ALPK3: variants seen among roughly 807,000 people sequenced by gnomAD.
The protein encoded by ALPK3 is alpha-protein kinase 3.
Under a neutral mutation model 140.0 loss-of-function variants are expected in ALPK3, and 102 were observed. The ratio of observed to expected loss-of-function variants is 0.73; its 90% CI spans 0.62 to 0.86. ALPK3 has a LOEUF of 0.86. Among genes scored for constraint, ALPK3 ranks in the 40% least tolerant of loss-of-function variants. The probability of loss-of-function intolerance (pLI) is 0.00; values close to 1 mark genes in which losing one functional copy is unlikely to be tolerated. For synonymous variants in ALPK3, 938 were observed against 898.5 expected, an observed-to-expected ratio of 1.04 and a Z score of -0.79; for missense variants, 2,254 against 2,208.2, an observed-to-expected ratio of 1.02 and a Z score of -0.42.
intron 13 of ALPK3, 43 bp from the exon 14 acceptor site, chr15:84,868,066 GTC>G: frequency 6.4e-7 from 1 of 1,565,216 alleles, no homozygotes; most frequent in Non-Finnish European, 8.7e-7. Context: ...AAGGAACTGT[GTC>G]TCTGGTTGGG....
chr15:84,824,472 A>G (rs1049772896), intron 2 of ALPK3, among the ~76,000 whole-genome samples: 3 of 152,258 alleles, frequency 2.0e-5, no homozygotes, highest in African/African-American at 7.2e-5. Flanking sequence ...TTCTTCACAC[A>G]GAAAAAGATT....
chr15:84,838,950 C>A, intron 3 of ALPK3, 30 bp from the exon 4 acceptor site: 1 of 1,598,062 alleles, frequency 6.3e-7, no homozygotes, highest in Non-Finnish European at 8.6e-7. Context: ...ACTGGCCTTG[C>A]TGTAACCCAG....
At chr15:84,867,279 C>G (rs1964012512) in intron 12 of ALPK3, 38 bp from the exon 13 acceptor site, 1 of 1,612,264 alleles carries the variant, frequency 6.2e-7, no homozygotes, top group African/African-American at 1.3e-5. Flanking sequence ...TAGAGCCAGC[C>G]CAGACTGGCA....
intron 5 of ALPK3, among the ~76,000 whole-genome samples, chr15:84,850,478 G>A (rs1963789743): frequency 6.6e-6 from 1 of 152,072 alleles, no homozygotes; most frequent in African/African-American, 2.4e-5. Context: ...CGAACTCCTG[G>A]GCTCAAGCAA....
intron 1 of ALPK3, among the ~76,000 whole-genome samples, chr15:84,822,954 G>A (rs894537143): frequency 6.6e-6 from 1 of 152,272 alleles, no homozygotes; most frequent in Admixed American, 6.5e-5. Context: ...AAGAATTGAA[G>A]CAGGAGCTTG....
At chr15:84,821,761 A>G (rs1473784160) in intron 1 of ALPK3, among the ~76,000 whole-genome samples, 1 of 151,872 alleles carries the variant, frequency 6.6e-6, no homozygotes, top group Non-Finnish European at 1.5e-5. Context: ...TCTATAGAAC[A>G]GCAGTTAAAT....
intron 13 of ALPK3, among the ~76,000 whole-genome samples, chr15:84,867,814 T>G (rs1028215220): frequency 2.0e-5 from 3 of 152,156 alleles, no homozygotes; most frequent in Non-Finnish European, 2.9e-5. Context: ...GCATGGTGGC[T>G]CACGCCTCTA....
In ALPK3 at chr15:84,864,847, C is replaced by T. The variant is rs757109331; in HGVS notation, c.4723+182C>T. On this transcript the variant is annotated intron_variant, in intron 12 of 13. Coordinates refer to ENST00000258888, the MANE Select transcript of ALPK3 (RefSeq NM_020778.5). ...GAACATTTTGCTCGCAACCCTAATA[C>T]ATACCTCATGTAGCCCAGTCTATCA... is the stretch of plus-strand genomic sequence containing the variant. Among the ~76,000 whole-genome samples, 114 of 152,188 alleles carry T rather than the reference C, an allele frequency of 7.5e-4. 1 individual carries two copies. Among genetic ancestry groups the T allele is most frequent in the Non-Finnish European group, 1.2e-3 (83 of 68,020 alleles).
intron 5 of ALPK3, among the ~76,000 whole-genome samples, chr15:84,851,950 G>T (rs1038171851): frequency 6.6e-6 from 1 of 152,104 alleles, no homozygotes; most frequent in Non-Finnish European, 1.5e-5. Context: ...CGTCTGTAGA[G>T]GCTGTGCGAT....
chr15:84,863,425 C>T (rs1963970411), intron 10 of ALPK3, 127 bp from the exon 11 acceptor site: 1 of 751,918 alleles, frequency 1.3e-6, no homozygotes, highest in African/African-American at 1.8e-5. Context: ...GTAAGCCCTT[C>T]CTCCCCCAGG....
In ALPK3 at chr15:84,840,358, C is replaced by T. The variant is rs1963647073; in HGVS notation, c.1079C>T (p.Pro360Leu). ...DEPDSCGTQG[P>L]VGVEQVQTQP... ...CCTGACTCCTGTGGGACTCAGGGGC[C>T]CGTGGGCGTGGAGCAGGTTCAGACC... The change falls in exon 5 of 14, where the codon CCC (proline) becomes CTC (leucine). Residue 360 changes from proline to leucine, a missense_variant. Pro to Leu is a moderately conservative substitution (Grantham distance 98). This residue lies in a region of ALPK3 where 2,088 missense variants were observed against 2,022.9 expected (regional missense o/e 1.03). Transcript: ENST00000258888. 6.2e-7 allele frequency: 1 copy of T among 1,613,426 alleles called. No individual in the cohort carries two copies. The highest frequency in any genetic ancestry group is 1.3e-5 in the African/African-American group (1 of 74,886).
At chr15:84,826,071 C>T (rs969327722) in intron 2 of ALPK3, among the ~76,000 whole-genome samples, 1 of 152,122 alleles carries the variant, frequency 6.6e-6, no homozygotes, top group African/African-American at 2.4e-5. Flanking sequence ...TCCATGAATG[C>T]CCAGGTATCT....
intron 3 of ALPK3, among the ~76,000 whole-genome samples, chr15:84,834,766 C>T (rs1408331530): frequency 6.6e-6 from 1 of 152,240 alleles, no homozygotes; most frequent in African/African-American, 2.4e-5. Flanking sequence ...CAAGTGCCGC[C>T]ATGGGCTGTC....
chr15:84,830,572 C>CT (rs1463504431), intron 3 of ALPK3, among the ~76,000 whole-genome samples: 1 of 152,130 alleles, frequency 6.6e-6, no homozygotes, highest in African/African-American at 2.4e-5. Flanking sequence ...TAACTTTCTG[C>CT]TTTTTGTATT....
chr15:84,833,134 T>C (rs754715139), intron 3 of ALPK3, among the ~76,000 whole-genome samples: 1 of 152,192 alleles, frequency 6.6e-6, no homozygotes, highest in Non-Finnish European at 1.5e-5. Context: ...ACCTACCTAC[T>C]GTGTATATCA....
Position 84,857,507 on chromosome 15 carries a change from C to A in ALPK3, c.2769C>A (p.His923Gln), listed in dbSNP as rs1963880002. The change falls in exon 6 of 14, where the codon CAC (histidine) becomes CAA (glutamine). Residue 923 changes from histidine to glutamine, a missense_variant. His to Gln is a conservative substitution (Grantham distance 24). Transcript: ENST00000258888. ...HLGLGTPTQS[H>Q]PPETMATSSE... Reference sequence around the variant, plus strand: ...GGCTGGGGACCCCCACTCAGAGTCACCCACCAGAAACCATGGCCACCAGCA... The same window carrying A: ...GGCTGGGGACCCCCACTCAGAGTCAACCACCAGAAACCATGGCCACCAGCA... The A allele has an allele frequency of 6.2e-7, 1 of 1,600,238 alleles. No individual in the cohort carries two copies. Among genetic ancestry groups the A allele is most frequent in the Non-Finnish European group, 8.5e-7 (1 of 1,172,208 alleles).
At chr15:84,823,887 A>T (rs1225031680) in intron 2 of ALPK3, among the ~76,000 whole-genome samples, 1 of 151,548 alleles carries the variant, frequency 6.6e-6, no homozygotes, top group African/African-American at 2.4e-5. Context: ...ATTTTTAAAA[A>T]TTTTCTTGTA....
In ALPK3 at chr15:84,862,796, G is replaced by A. The variant is rs750258262; in HGVS notation, c.4291G>A (p.Gly1431Arg). 9.9e-6 allele frequency: 16 copies of A among 1,614,098 alleles called. No homozygotes were observed. Among genetic ancestry groups the A allele is most frequent in the Non-Finnish European group, 1.4e-5 (16 of 1,180,016 alleles). ...RKASQAKVIY[G>R]LEPIFESGRT... ...GGCCTCCCAGGCCAAGGTCATCTAC[G>A]GGCTGGAACCCATCTTCGAGTCGGG... Residue 1431 changes from glycine to arginine, a missense_variant, in exon 10 of 14, where the codon GGG becomes AGG. Gly to Arg is a moderately radical substitution (Grantham distance 125). Around this residue, in one of 3 missense-constraint regions of ALPK3, gnomAD observed 2,088 missense variants for 2,022.9 expected, o/e 1.03. Coordinates refer to ENST00000258888, the MANE Select transcript of ALPK3 (RefSeq NM_020778.5).
chr15:84,859,400 C>T lies in ALPK3; in HGVS notation c.3965+10C>T, dbSNP rs375674844. The T allele has an allele frequency of 7.4e-6, 12 of 1,613,724 alleles. No homozygotes were observed. Among genetic ancestry groups the T allele is most frequent in the South Asian group, 5.5e-5 (5 of 90,978 alleles). On this transcript the variant is annotated intron_variant, in intron 7 of 13. Coordinates refer to ENST00000258888, the MANE Select transcript of ALPK3 (RefSeq NM_020778.5). ...GCGAGGTGGGCAGGAGGTAAGCCAA[C>T]GACACCACTGCCACCTGACCTGGCT...
Sources: allele counts gnomAD v4.1 joint callset (sites outside exome capture counted in the v4.1 genomes callset), GRCh38; gene constraint gnomAD v4.1.1; regional missense constraint gnomAD v4.1.1; transcripts MANE v1.5; gene names NCBI Gene and HGNC (gene_info 2026-07-23, HGNC 2026-07-21).